Variants in LAMA3 observed in about 807,000 individuals in gnomAD.
LAMA3 encodes the protein laminin subunit alpha-3.
A neutral mutation model predicts 402.0 loss-of-function variants in LAMA3; 281 were observed. That is an observed-to-expected ratio of 0.70 (90% confidence interval 0.63 to 0.77). The LOEUF is 0.77. LAMA3 is among the 30% of genes least tolerant of loss of function. The probability of loss-of-function intolerance (pLI) is 0.00; values close to 1 mark genes in which losing one functional copy is unlikely to be tolerated. For synonymous variants in LAMA3, 1,431 were observed against 1,558.4 expected, an observed-to-expected ratio of 0.92 and a Z score of 1.93; for missense variants, 3,840 against 4,215.5, an observed-to-expected ratio of 0.91 and a Z score of 2.47.
intron 1 of LAMA3, chr18:23,709,722 G>T (rs759741517): frequency 7.0e-5 from 32 of 457,900 alleles, no homozygotes; most frequent in Non-Finnish European, 1.1e-4. Context: ...TTCCATCTGA[G>T]AAGTCCCATG....
At chr18:23,808,750 T>C (rs2063011678) in intron 12 of LAMA3, among the ~76,000 whole-genome samples, 1 of 152,250 alleles carries the variant, frequency 6.6e-6, no homozygotes, top group South Asian at 2.1e-4. Context: ...CACCATCATT[T>C]ACTAAAAAGC....
Position 23,919,895 on chromosome 18 carries a change from C to T in LAMA3, c.7924-1040C>T, listed in dbSNP as rs368771358. Among the ~76,000 whole-genome samples the T allele has an allele frequency of 9.2e-5, 14 of 152,042 alleles. No homozygotes were observed. The South Asian group carries it at 1.2e-3, about 14-fold the overall frequency. ...GACTTTCGGGGGTACATGGGGAGAC[C>T]GGCGGGTTGTTGCTGCAGGGACTGG... is the stretch of plus-strand genomic sequence containing the variant. On this transcript the variant is annotated intron_variant, in intron 60 of 74. Transcript: ENST00000313654.
rs1185972209 is a variant in LAMA3 at position 23,772,546 on chromosome 18, A to G, written c.1183-951A>G. 2.0e-5 allele frequency among the ~76,000 whole-genome samples: 3 copies of G among 152,252 alleles called. No individual in the cohort carries two copies. The East Asian group carries it at 5.8e-4, about 29-fold the overall frequency. Reference sequence around the variant, plus strand: ...TTTATGCATGTAAATTTCAAGTCACAGAAGTGGCCAATGTGGTTTTAGACC... The same window carrying G: ...TTTATGCATGTAAATTTCAAGTCACGGAAGTGGCCAATGTGGTTTTAGACC... On this transcript the variant is annotated intron_variant, in intron 8 of 74. Coordinates refer to ENST00000313654, the MANE Select transcript of LAMA3 (RefSeq NM_198129.4).
In LAMA3 at chr18:23,902,932, C is replaced by A. The variant is rs1441738996; in HGVS notation, c.6202-77C>A. ...TTCTGACTTTGAAATTACGTATATG[C>A]TATTGTCCCATAAATTTGTCTATGC... is the stretch of plus-strand genomic sequence containing the variant. On this transcript the variant is annotated intron_variant, in intron 48 of 74. Transcript: ENST00000313654. 6 of 823,884 alleles carry A rather than the reference C, an allele frequency of 7.3e-6. No homozygotes were observed. In the East Asian group the frequency reaches 1.5e-4, roughly 20 times the overall value. 51.0% of individuals were successfully genotyped at this position (823,884 alleles called of 1,614,324 possible).
chr18:23,894,631 G>A (rs972937833), intron 43 of LAMA3, among the ~76,000 whole-genome samples: 10 of 152,198 alleles, frequency 6.6e-5, no homozygotes, highest in Admixed American at 6.5e-5. Context: ...ACAATGCCTG[G>A]TAAATTGCAA....
At chr18:23,767,394 C>A (rs768238652) in intron 8 of LAMA3, among the ~76,000 whole-genome samples, 1 of 151,946 alleles carries the variant, frequency 6.6e-6, no homozygotes, top group Non-Finnish European at 1.5e-5. Context: ...AAAAAAAGAG[C>A]CCAAATAGCC....
intron 32 of LAMA3, among the ~76,000 whole-genome samples, chr18:23,852,120 C>G (rs969808918): frequency 9.2e-5 from 14 of 152,228 alleles, no homozygotes; most frequent in African/African-American, 3.4e-4. Context: ...CTGTCTACAG[C>G]CTGGTTAAGT....
intron 6 of LAMA3, among the ~76,000 whole-genome samples, chr18:23,754,776 G>A (rs112205195): frequency 2.2e-4 from 33 of 152,268 alleles, no homozygotes; most frequent in African/African-American, 6.3e-4. Flanking sequence ...GGAAATTACC[G>A]GATGCCAGAT....
intron 12 of LAMA3, among the ~76,000 whole-genome samples, chr18:23,800,762 T>A (rs997298771): frequency 6.6e-6 from 1 of 152,210 alleles, no homozygotes; most frequent in African/African-American, 2.4e-5. Flanking sequence ...CTTCTATATA[T>A]GAGTGAGAAC....
At position 23,777,620 on chromosome 18, in the gene LAMA3, G is replaced by A; in HGVS notation, c.1468+1G>A. On this transcript the variant is annotated splice_donor_variant, in intron 11 of 74. Transcript: ENST00000313654. LOFTEE classifies it high-confidence loss of function. ...GATCCAGTAGCTGGAGATATAAAAGGCAAGTAACCTCCCTTTTGGTTTAAC... is the reference window on the plus strand; with the variant it reads ...GATCCAGTAGCTGGAGATATAAAAGACAAGTAACCTCCCTTTTGGTTTAAC... 1 of 1,606,020 alleles carries A rather than the reference G, an allele frequency of 6.2e-7. No individual in the cohort carries two copies. The highest frequency in any genetic ancestry group is 8.5e-7 in the Non-Finnish European group (1 of 1,172,708).
chr18:23,854,310 G>T (rs1026296612), intron 32 of LAMA3, among the ~76,000 whole-genome samples: 8 of 152,220 alleles, frequency 5.3e-5, no homozygotes, highest in Non-Finnish European at 1.0e-4. Context: ...TGCCCTTGCT[G>T]CAGGTACTCT....
intron 16 of LAMA3, 49 bp from the exon 17 acceptor site, chr18:23,815,419 G>A: frequency 6.6e-7 from 1 of 1,512,752 alleles, no homozygotes; most frequent in Non-Finnish European, 9.2e-7. Context: ...GAAGATTAGT[G>A]AATTCTGTAA....
At chr18:23,835,751 T>C (rs2063569537) in intron 24 of LAMA3, among the ~76,000 whole-genome samples, 2 of 152,148 alleles carry the variant, frequency 1.3e-5, no homozygotes, top group African/African-American at 4.8e-5. Flanking sequence ...CTGGAAAATA[T>C]TTGACCCATG....
At chr18:23,743,033 T>C (rs1355013772) in intron 2 of LAMA3, among the ~76,000 whole-genome samples, 2 of 152,216 alleles carry the variant, frequency 1.3e-5, no homozygotes, top group Non-Finnish European at 2.9e-5. Flanking sequence ...ACAACATGTA[T>C]TAAGCCTCTT....
intron 55 of LAMA3, among the ~76,000 whole-genome samples, chr18:23,911,088 A>G (rs1012939756): frequency 7.3e-6 from 1 of 137,206 alleles, no homozygotes; most frequent in African/African-American, 3.0e-5. Flanking sequence ...TACAAGAAAT[A>G]TCTTAATTTA....
intron 72 of LAMA3, 98 bp downstream of exon 72, chr18:23,950,257 A>T: frequency 7.2e-7 from 1 of 1,386,550 alleles, no homozygotes; most frequent in East Asian, 2.3e-5. Flanking sequence ...AATGGGATCC[A>T]ATCTTGTATT....
intron 8 of LAMA3, among the ~76,000 whole-genome samples, chr18:23,770,380 TA>T (rs34622072): frequency 1.9e-4 from 28 of 145,806 alleles, no homozygotes; most frequent in Admixed American, 2.0e-4. Context: ...AGCTCAGTTA[TA>T]AAAAAAAAAA....
At chr18:23,699,625 GT>G (rs1042650266) in intron 1 of LAMA3, among the ~76,000 whole-genome samples, 1 of 152,200 alleles carries the variant, frequency 6.6e-6, no homozygotes, top group Non-Finnish European at 1.5e-5. Context: ...AGTACTTTGG[GT>G]TTGGGGTATT....
intron 11 of LAMA3, among the ~76,000 whole-genome samples, chr18:23,781,072 A>G (rs2062427293): frequency 6.6e-6 from 1 of 152,182 alleles, no homozygotes; most frequent in Non-Finnish European, 1.5e-5. Context: ...AATCACTGTG[A>G]CTTCGTAATG....
Sources: allele counts gnomAD v4.1 joint callset (sites outside exome capture counted in the v4.1 genomes callset), GRCh38; gene constraint gnomAD v4.1.1; transcripts MANE v1.5; gene names NCBI Gene and HGNC (gene_info 2026-07-23, HGNC 2026-07-21).